TBC1D8: variants seen among roughly 807,000 people sequenced by gnomAD.
TBC1D8 encodes the protein BUB2-like protein 1.
A neutral mutation model predicts 118.8 loss-of-function variants in TBC1D8; 65 were observed. The observed-to-expected ratio is 0.55, with a 90% confidence interval of 0.45 to 0.67. The LOEUF (loss-of-function observed/expected upper bound fraction) is 0.67. Ranked by LOEUF, TBC1D8 falls within the 30% of genes least tolerant of loss-of-function variation. TBC1D8 has a pLI of 0.00. For synonymous variants in TBC1D8, 566 were observed against 595.8 expected (o/e 0.95, Z 0.73); for missense variants, 1,376 against 1,471.2 (o/e 0.94, Z 1.06).
At chr2:101,014,887 C>T (rs1679499404) in intron 17 of TBC1D8, among the ~76,000 whole-genome samples, 1 of 152,150 alleles carries the variant, frequency 6.6e-6, no homozygotes, top group African/African-American at 2.4e-5. Context: ...ATCTTTGGTC[C>T]TACTGATGTT....
chr2:101,134,940 G>A (rs1386404339), intron 1 of TBC1D8, among the ~76,000 whole-genome samples: 3 of 152,206 alleles, frequency 2.0e-5, no homozygotes, highest in African/African-American at 7.2e-5. Flanking sequence ...TTGGGAGGCC[G>A]AGGCAGGTGG....
rs1680565576 is a variant in TBC1D8, at chr2:101,029,780, G to A, written c.1937-4C>T. On this transcript the variant is annotated splice_polypyrimidine_tract_variant and splice_region_variant and intron_variant, in intron 11 of 19. Coordinates refer to ENST00000409318, the MANE Select transcript of TBC1D8 (RefSeq NM_001330348.2). ...ACAGACTGGTCAACTTGTGCCCCTG[G>A]AAAAGAAAGGGCACAGGGCTCTGGC... The A allele has an allele frequency of 6.2e-7, 1 of 1,611,546 alleles. No individual in the cohort carries two copies. The highest frequency in any genetic ancestry group is 8.5e-7 in the Non-Finnish European group (1 of 1,177,942).
chr2:101,121,861 T>G (rs1377847606), intron 1 of TBC1D8, among the ~76,000 whole-genome samples: 1 of 151,758 alleles, frequency 6.6e-6, no homozygotes, highest in Non-Finnish European at 1.5e-5. Context: ...AGGTCAAGAG[T>G]TCGAGACCAG....
At chr2:101,069,092 G>A (rs2105434149) in intron 2 of TBC1D8, among the ~76,000 whole-genome samples, 1 of 151,810 alleles carries the variant, frequency 6.6e-6, no homozygotes, top group Non-Finnish European at 1.5e-5. Context: ...GAGAGCAGGA[G>A]TTCGGAACCA....
At chr2:101,050,768 A>C in intron 4 of TBC1D8, 127 bp from the exon 5 acceptor site, 7 of 1,187,242 alleles carry the variant, frequency 5.9e-6, no homozygotes, top group Non-Finnish European at 8.2e-6. Context: ...AAAATCTTTT[A>C]AGTTCAGGGA....
Position 101,027,443 on chromosome 2 carries a change from G to T in TBC1D8, c.2460C>A (p.Val820=). 1.9e-6 allele frequency: 3 copies of T among 1,612,896 alleles called. No individual in the cohort carries two copies. The South Asian group carries it at 3.3e-5, about 18-fold the overall frequency. Residue 820 remains valine, a synonymous_variant, in exon 15 of 20, where the codon GTC becomes GTA. Transcript: ENST00000409318. ...GAAGAATTGAGACTTCCGGGATAAC[G>T]ACTCGAAGCTTGAGGAAAGAATAAA... ...EDTTKQNVLR[V]VIPEVSILPE...
At chr2:101,113,886 T>C (rs1239391512) in intron 1 of TBC1D8, among the ~76,000 whole-genome samples, 1 of 152,116 alleles carries the variant, frequency 6.6e-6, no homozygotes, top group African/African-American at 2.4e-5. Flanking sequence ...TGCAAACAAA[T>C]CTTGAAAAGG....
chr2:101,085,742 C>A (rs1315657051), intron 2 of TBC1D8, among the ~76,000 whole-genome samples: 1 of 152,166 alleles, frequency 6.6e-6, no homozygotes, highest in African/African-American at 2.4e-5. Flanking sequence ...TGCTCCCTAA[C>A]AACTGAAGAA....
intron 1 of TBC1D8, among the ~76,000 whole-genome samples, chr2:101,149,430 G>T (rs955423126): frequency 6.6e-6 from 1 of 152,094 alleles, no homozygotes; most frequent in East Asian, 1.9e-4. Context: ...ATGGTGAATC[G>T]GCTGAAGGTA....
intron 2 of TBC1D8, among the ~76,000 whole-genome samples, chr2:101,078,651 G>A (rs1675009572): frequency 6.7e-6 from 1 of 149,448 alleles, no homozygotes; most frequent in African/African-American, 2.5e-5. Flanking sequence ...TACACAATGA[G>A]GTTTCTGCAG....
At chr2:101,072,813 T>C (rs1315925607) in intron 2 of TBC1D8, among the ~76,000 whole-genome samples, 1 of 152,024 alleles carries the variant, frequency 6.6e-6, no homozygotes, top group Non-Finnish European at 1.5e-5. Flanking sequence ...ACCAAATTGG[T>C]ACTAATCTGT....
intron 1 of TBC1D8, among the ~76,000 whole-genome samples, chr2:101,092,135 T>A (rs1478218581): frequency 1.3e-5 from 2 of 152,222 alleles, no homozygotes; most frequent in Non-Finnish European, 2.9e-5. Context: ...AGTTGTCAAG[T>A]CTCTTTGGAC....
Position 101,031,283 on chromosome 2 carries a change from C to G in TBC1D8, c.1936+985G>C, listed in dbSNP as rs568953580. On this transcript the variant is annotated intron_variant, in intron 11 of 19. Transcript: ENST00000409318. ...CACACGAAGGAGCCGGTGTGCACGG[C>G]TGAAGGCTCAGGAAAGGGTACACCT... 2.0e-5 allele frequency among the ~76,000 whole-genome samples: 3 copies of G among 152,328 alleles called. No individual in the cohort carries two copies. The South Asian group carries it at 6.2e-4, about 32-fold the overall frequency.
intron 2 of TBC1D8, among the ~76,000 whole-genome samples, chr2:101,069,386 A>T (rs1167967548): frequency 6.6e-6 from 1 of 152,006 alleles, no homozygotes; most frequent in Admixed American, 6.6e-5. Flanking sequence ...TGGGAGTTTG[A>T]GACCAGCCTG....
intron 2 of TBC1D8, among the ~76,000 whole-genome samples, chr2:101,080,488 T>C (rs913363765): frequency 6.6e-5 from 10 of 152,062 alleles, no homozygotes; most frequent in African/African-American, 2.4e-4. Flanking sequence ...AAGCAAACAG[T>C]GATGCAGACT....
chr2:101,098,672 G>C (rs1475801255), intron 1 of TBC1D8, among the ~76,000 whole-genome samples: 4 of 152,058 alleles, frequency 2.6e-5, no homozygotes, highest in Non-Finnish European at 4.4e-5. Flanking sequence ...AGTCTCTCAG[G>C]CCACAGTGCA....
Position 101,122,894 on chromosome 2 carries a change from G to A in TBC1D8, c.127+28233C>T, listed in dbSNP as rs939239116. On this transcript the variant is annotated intron_variant, in intron 1 of 19. Transcript: ENST00000409318. ...GTGTAAAATGTGCTTTGCCACAGCC[G>A]GGAATATAGACTTGTATGGTGGTAC... Among the ~76,000 whole-genome samples, 19 of 151,856 alleles carry A rather than the reference G, an allele frequency of 1.3e-4. 1 individual carries two copies. Among genetic ancestry groups the A allele is most frequent in the Non-Finnish European group, 1.9e-4 (13 of 67,962 alleles).
intron 1 of TBC1D8, among the ~76,000 whole-genome samples, chr2:101,132,378 A>C (rs1324200040): frequency 6.6e-5 from 10 of 152,152 alleles, no homozygotes; most frequent in Non-Finnish European, 1.5e-5. Flanking sequence ...TCTACCCTTC[A>C]TATCCCCAAG....
intron 2 of TBC1D8, among the ~76,000 whole-genome samples, chr2:101,070,847 G>T (rs1272028463): frequency 1.3e-5 from 2 of 152,076 alleles, no homozygotes; most frequent in Non-Finnish European, 2.9e-5. Flanking sequence ...ACCTAAAAAT[G>T]GTTACTGTAA....
Sources: allele counts gnomAD v4.1 joint callset (sites outside exome capture counted in the v4.1 genomes callset), GRCh38; gene constraint gnomAD v4.1.1; transcripts MANE v1.5; gene names NCBI Gene and HGNC (gene_info 2026-07-23, HGNC 2026-07-21).